The following HMCN1 variants were observed in gnomAD, a reference collection of about 807,000 sequenced individuals.
The protein encoded by HMCN1 is hemicentin-1.
A neutral mutation model predicts 625.9 loss-of-function variants in HMCN1; 321 were observed. The ratio of observed to expected loss-of-function variants is 0.51; its 90% CI spans 0.47 to 0.56. The LOEUF (loss-of-function observed/expected upper bound fraction) is 0.56, where lower values mean the gene tolerates loss of function less well. HMCN1 is among the 20% of genes least tolerant of loss of function. The probability of loss-of-function intolerance (pLI) is 0.00; values close to 1 mark genes in which losing one functional copy is unlikely to be tolerated. For synonymous variants in HMCN1, 2,425 were observed against 2,417.6 expected (o/e 1.00, Z -0.09); for missense variants, 6,588 against 6,887.3 (o/e 0.96, Z 1.54).
chr1:185,948,911 T>A (rs192498439), intron 11 of HMCN1, among the ~76,000 whole-genome samples: 3 of 150,502 alleles, frequency 2.0e-5, no homozygotes, highest in Non-Finnish European at 4.4e-5. Context: ...AGGGAGGTCT[T>A]GTGGTAAGGG....
intron 6 of HMCN1, among the ~76,000 whole-genome samples, chr1:185,920,453 A>T (rs1300561450): frequency 6.6e-6 from 1 of 152,188 alleles, no homozygotes; most frequent in African/African-American, 2.4e-5. Flanking sequence ...TACTCTTCAT[A>T]TTTTAGCAGA....
rs41317491 is a variant in HMCN1, at chr1:186,130,048, C to T, written c.12987C>T (p.Thr4329=). The T allele has an allele frequency of 0.014, 22,011 of 1,613,108 alleles. 194 individuals are homozygous for T. The highest frequency in any genetic ancestry group is 0.024 in the Middle Eastern group (143 of 6,054). ...SKEDSGTYVC[T]AENSVGFVKA... The stretch of plus-strand genomic sequence containing the variant: ...AGGATTCAGGTACTTATGTGTGCAC[C>T]GCAGAGAACAGCGTTGGCTTTGTGA... Residue 4329 remains threonine (T), a synonymous_variant, in exon 84 of 107, where the codon ACC becomes ACT. Coordinates refer to ENST00000271588, the MANE Select transcript of HMCN1 (RefSeq NM_031935.3).
At chr1:186,163,900 GC>G (rs1392022053) in intron 97 of HMCN1, among the ~76,000 whole-genome samples, 1 of 152,024 alleles carries the variant, frequency 6.6e-6, no homozygotes, top group Admixed American at 6.6e-5. Context: ...TTAGATGATA[GC>G]CCCCCTATTT....
At chr1:186,149,532 A>G (rs1650540947) in intron 93 of HMCN1, among the ~76,000 whole-genome samples, 1 of 152,198 alleles carries the variant, frequency 6.6e-6, no homozygotes, top group South Asian at 2.1e-4. Context: ...CAAACCACTC[A>G]GATTTTCTCC....
rs1667197886 is a variant in HMCN1 at position 185,924,904 on chromosome 1, A to T, written c.1286-143A>T. 19 of 774,078 alleles carry T rather than the reference A, an allele frequency of 2.5e-5. No homozygotes were observed. In the South Asian group the frequency reaches 2.9e-4, roughly 12 times the overall value. The allele number at this position is 774,078 out of a possible 1,614,324, so 48.0% of individuals were successfully genotyped here. On this transcript the variant is annotated intron_variant, in intron 8 of 106. Transcript: ENST00000271588. Reference sequence around the variant, plus strand: ...AATAAAGATAGAAAAAGTAATTTTTAGTGATCTGGGTTAATTGGAATGCAG... The same window carrying T: ...AATAAAGATAGAAAAAGTAATTTTTTGTGATCTGGGTTAATTGGAATGCAG...
chr1:185,901,553 A>G (rs1665807665), intron 4 of HMCN1, among the ~76,000 whole-genome samples: 1 of 151,818 alleles, frequency 6.6e-6, no homozygotes, highest in Non-Finnish European at 1.5e-5. Context: ...TACAGAAAAA[A>G]TTGAATGAGG....
At chr1:186,008,630 T>A (rs1234613689) in intron 30 of HMCN1, among the ~76,000 whole-genome samples, 1 of 152,128 alleles carries the variant, frequency 6.6e-6, no homozygotes, top group African/African-American at 2.4e-5. Context: ...TAACTGTGGA[T>A]AAATTTCCTA....
At chr1:185,832,252 C>T (rs1305748719) in intron 1 of HMCN1, among the ~76,000 whole-genome samples, 1 of 152,026 alleles carries the variant, frequency 6.6e-6, no homozygotes, top group Non-Finnish European at 1.5e-5. Flanking sequence ...GCCGAGATCA[C>T]ACCACTGCAC....
rs1658842171 is a variant in HMCN1, at chr1:186,076,764, C to A, written c.8485+142C>A. The A allele has an allele frequency of 2.2e-5, 17 of 773,414 alleles. No homozygotes were observed. The South Asian group carries it at 2.4e-4, about 11-fold the overall frequency. The allele number at this position is 773,414 out of a possible 1,614,324, so 47.9% of individuals were successfully genotyped here. A position where few individuals can be genotyped will look rare whatever the true frequency, so the allele number is the denominator to read the frequency against. ...GACTGCTGAATGCCACTGGCATCCA[C>A]GTAGCTTCAATCTAGAAGAGTCTTG... On this transcript the variant is annotated intron_variant, in intron 54 of 106. Transcript: ENST00000271588.
chr1:185,922,071 T>C (rs1365916361), intron 6 of HMCN1, among the ~76,000 whole-genome samples: 1 of 152,214 alleles, frequency 6.6e-6, no homozygotes, highest in African/African-American at 2.4e-5. Flanking sequence ...CAAAGATCCA[T>C]ACCCTCATGG....
intron 55 of HMCN1, 99 bp downstream of exon 55, chr1:186,078,319 A>G: frequency 3.7e-6 from 3 of 814,902 alleles, no homozygotes; most frequent in South Asian, 2.9e-5. Context: ...TTGAGACTAT[A>G]AAGATAACCA....
chr1:186,069,325 G>A (rs139144690), intron 50 of HMCN1, among the ~76,000 whole-genome samples: 80 of 152,302 alleles, frequency 5.3e-4, no homozygotes, highest in African/African-American at 1.8e-3. Context: ...TGTAGGCTAG[G>A]TAGATAAGAC....
chr1:186,126,252 TTC>T (rs2102504186), intron 82 of HMCN1, among the ~76,000 whole-genome samples: 1 of 111,934 alleles, frequency 8.9e-6, no homozygotes, highest in South Asian at 3.1e-4. Context: ...AACATAAATA[TTC>T]ATATATATTC....
chr1:185,952,738 C>T (rs2102536375), intron 11 of HMCN1, among the ~76,000 whole-genome samples: 1 of 151,694 alleles, frequency 6.6e-6, no homozygotes, highest in Non-Finnish European at 1.5e-5. Flanking sequence ...AGAATATAGG[C>T]TAAGGTAGAA....
At chr1:185,819,288 C>A (rs1284169566) in intron 1 of HMCN1, among the ~76,000 whole-genome samples, 1 of 150,276 alleles carries the variant, frequency 6.7e-6, no homozygotes, top group Non-Finnish European at 1.5e-5. Context: ...GGTTTTCATT[C>A]ACATGCAACT....
Position 185,864,565 on chromosome 1 carries a change from T to A in HMCN1, c.435T>A (p.Ala145=). The change falls in exon 3 of 107, where the codon GCT becomes GCA. Residue 145 remains alanine, a synonymous_variant. Coordinates refer to ENST00000271588, the MANE Select transcript of HMCN1 (RefSeq NM_031935.3). ...CTTTCATCTATGTTTTCACTGATGCTCGGTCCAAAGATTACCGGCTCACCC... is the reference window on the plus strand; with the variant it reads ...CTTTCATCTATGTTTTCACTGATGCACGGTCCAAAGATTACCGGCTCACCC... The part of the protein sequence containing the change: ...PGSFIYVFTD[A]RSKDYRLTHE... The A allele has an allele frequency of 6.2e-7, 1 of 1,614,084 alleles. No individual in the cohort carries two copies. The highest frequency in any genetic ancestry group is 8.5e-7 in the Non-Finnish European group (1 of 1,179,984).
intron 93 of HMCN1, among the ~76,000 whole-genome samples, chr1:186,147,879 C>G (rs1402855484): frequency 6.6e-6 from 1 of 152,156 alleles, no homozygotes; most frequent in Non-Finnish European, 1.5e-5. Flanking sequence ...GCTGACTGAT[C>G]AGGATGGTGG....
intron 86 of HMCN1, among the ~76,000 whole-genome samples, chr1:186,136,089 T>C (rs1426690664): frequency 1.3e-5 from 2 of 152,062 alleles, no homozygotes; most frequent in Non-Finnish European, 2.9e-5. Context: ...GGCCGGAGAA[T>C]TGCTTGAACC....
At chr1:185,873,647 T>C (rs1474647983) in intron 4 of HMCN1, among the ~76,000 whole-genome samples, 1 of 152,058 alleles carries the variant, frequency 6.6e-6, no homozygotes, top group Non-Finnish European at 1.5e-5. Flanking sequence ...GCTTTTTTTG[T>C]TAAAAAGCAC....
Sources: allele counts gnomAD v4.1 joint callset (sites outside exome capture counted in the v4.1 genomes callset), GRCh38; gene constraint gnomAD v4.1.1; transcripts MANE v1.5; gene names NCBI Gene and HGNC (gene_info 2026-07-23, HGNC 2026-07-21).